FLNB: variants seen among roughly 807,000 people sequenced by gnomAD.
FLNB encodes the protein filamin-B.
In FLNB, 111 loss-of-function variants were observed where a neutral mutation model predicts 250.6. The ratio of observed to expected loss-of-function variants is 0.44; its 90% confidence interval spans 0.38 to 0.52. The LOEUF is 0.52. FLNB is among the 20% of genes least tolerant of loss of function. The pLI is 0.00. For synonymous variants in FLNB, 1,302 were observed against 1,372.1 expected (o/e 0.95, Z 1.13); for missense variants, 2,869 against 3,447.8 (o/e 0.83, Z 4.20).
chr3:58,153,376 A>T lies in FLNB; in HGVS notation c.6369A>T (p.Glu2123Asp). ...CCCCAACCTCCCTCCCTCTTTCAGA[A>T]ATCAACAGCAGTGATATGTCGGCCC... Reference protein sequence around the residue: ...SICDLNLKIPEINSSDMSAHV... With the variant: ...SICDLNLKIPDINSSDMSAHV... The change falls in exon 39 of 46, where the codon GAA becomes GAT. Residue 2123 changes from glutamate to aspartate, a missense_variant and splice_region_variant. Physicochemically the swap from Glu to Asp is conservative, Grantham distance 45. Coordinates refer to ENST00000295956, the MANE Select transcript of FLNB (RefSeq NM_001457.4). 6.2e-7 allele frequency: 1 copy of T among 1,614,206 alleles called. No individual in the cohort carries two copies. The highest frequency in any genetic ancestry group is 8.5e-7 in the Non-Finnish European group (1 of 1,180,038).
intron 4 of FLNB, among the ~76,000 whole-genome samples, chr3:58,089,627 A>G (rs2097222966): frequency 6.6e-6 from 1 of 152,162 alleles, no homozygotes; most frequent in Non-Finnish European, 1.5e-5. Context: ...CAACAAAGAA[A>G]TACAATGTCC....
In FLNB at chr3:58,110,279, T is replaced by C. The variant is rs1576735611; in HGVS notation, c.2484+109T>C. ...TGGTGTTTTGTTAGTATTATTATTT[T>C]TGAGATGGAGTCTCACTCTTTCACC... On this transcript the variant is annotated intron_variant, in intron 16 of 45. Transcript: ENST00000295956. 7 of 1,158,806 alleles carry C rather than the reference T, an allele frequency of 6.0e-6. No homozygotes were observed. The East Asian group carries it at 1.7e-4, about 29-fold the overall frequency. The allele number at this position is 1,158,806 out of a possible 1,614,324, so 71.8% of individuals were successfully genotyped here.
At chr3:58,116,727 G>A (rs2097278645) in intron 18 of FLNB, among the ~76,000 whole-genome samples, 1 of 152,174 alleles carries the variant, frequency 6.6e-6, no homozygotes, top group East Asian at 1.9e-4. Context: ...TGAGGACTTT[G>A]GTCTTCTCTT....
At position 58,148,782 on chromosome 3, in the gene FLNB, C is replaced by T; in HGVS notation, c.6021C>T (p.Val2007=). 1 of 1,614,132 alleles carries T rather than the reference C, an allele frequency of 6.2e-7. No homozygotes were observed. The highest frequency in any genetic ancestry group is 1.1e-5 in the South Asian group (1 of 91,066). ...TTGGTGACGCCCGCCGAGCCAAAGT[C>T]TATGGCCGCGGCCTGTCAGAAGGCC... is the stretch of plus-strand genomic sequence containing the variant. The part of the protein sequence containing the change: ...SEIGDARRAK[V]YGRGLSEGRT... Residue 2007 remains valine (V), a synonymous_variant, in exon 36 of 46, where the codon GTC becomes GTT. Coordinates refer to ENST00000295956, the MANE Select transcript of FLNB (RefSeq NM_001457.4).
At chr3:58,105,360 G>T (rs1056454520) in intron 11 of FLNB, 144 bp downstream of exon 11, 17 of 1,005,134 alleles carry the variant, frequency 1.7e-5, no homozygotes, top group African/African-American at 1.3e-4. Context: ...CCATCTCTGC[G>T]TGCTGCTGTA....
chr3:58,052,878 C>T (rs839228), intron 1 of FLNB, among the ~76,000 whole-genome samples: 59,502 of 152,004 alleles, frequency 0.39, 11,795 homozygotes, highest in Middle Eastern at 0.57. Context: ...TGGTCACCCT[C>T]GCATTTCTAC....
intron 38 of FLNB, among the ~76,000 whole-genome samples, chr3:58,152,085 A>G (rs998227510): frequency 1.3e-5 from 2 of 152,254 alleles, no homozygotes; most frequent in African/African-American, 4.8e-5. Context: ...ACTAGCAAGT[A>G]TCTGCAGTGT....
chr3:58,015,617 G>C (rs1280224683), intron 1 of FLNB, among the ~76,000 whole-genome samples: 2 of 152,220 alleles, frequency 1.3e-5, no homozygotes, highest in African/African-American at 2.4e-5. Flanking sequence ...GAGCCATGCA[G>C]AGGAGAGCTG....
intron 4 of FLNB, among the ~76,000 whole-genome samples, chr3:58,088,038 CTTTTTTTTTTT>C (rs56009116): frequency 1.2e-5 from 1 of 84,518 alleles, no homozygotes; most frequent in Non-Finnish European, 2.1e-5. Context: ...GGCGCCCAGC[CTTTTTTTTTTT>C]TTTTTTTTTT....
chr3:58,085,169 CT>C (rs553553232), intron 4 of FLNB, among the ~76,000 whole-genome samples: 115 of 152,350 alleles, frequency 7.5e-4, no homozygotes, highest in African/African-American at 2.5e-3. Context: ...TGAGACCCTG[CT>C]TTCAATTCTT....
intron 1 of FLNB, among the ~76,000 whole-genome samples, chr3:58,054,141 G>A (rs558929873): frequency 5.0e-4 from 76 of 152,302 alleles, no homozygotes; most frequent in African/African-American, 1.8e-3. Flanking sequence ...GGTGCTGAGT[G>A]CTTGGGAAGT....
In FLNB at chr3:58,094,965, G is replaced by C; in HGVS notation, c.906+11G>C. 1 of 1,592,146 alleles carries C rather than the reference G, an allele frequency of 6.3e-7. No homozygotes were observed. The highest frequency in any genetic ancestry group is 8.6e-7 in the Non-Finnish European group (1 of 1,159,960). On this transcript the variant is annotated intron_variant, in intron 5 of 45. Transcript: ENST00000295956. ...GGGAACAAAGAGGAGGTATGTTGGA[G>C]GATGCTGCCTCTCCTTTCCAGCACC...
At chr3:58,151,490 A>G (rs551181437) in intron 38 of FLNB, 1 of 151,766 alleles carries the variant, frequency 6.6e-6, no homozygotes, top group African/African-American at 2.4e-5. Context: ...CACCTCCCAG[A>G]GAGAGCTTGG....
chr3:58,058,180 C>A (rs540129328), intron 1 of FLNB, among the ~76,000 whole-genome samples: 2 of 152,246 alleles, frequency 1.3e-5, no homozygotes, highest in East Asian at 3.9e-4. Flanking sequence ...ATTAGGGATG[C>A]TACTTGGATG....
chr3:58,117,891 A>G (rs1024448683), intron 18 of FLNB, among the ~76,000 whole-genome samples: 3 of 151,754 alleles, frequency 2.0e-5, no homozygotes. Context: ...ACACTTGATC[A>G]GCAACAGCTT....
intron 7 of FLNB, 87 bp from the exon 8 acceptor site, chr3:58,098,624 C>G (rs1001356759): frequency 1.6e-5 from 21 of 1,292,444 alleles, no homozygotes; most frequent in Non-Finnish European, 2.2e-5. Flanking sequence ...TGAGCCACCA[C>G]ACTGGTCCTG....
At chr3:58,075,442 G>A (rs1453447328) in intron 1 of FLNB, among the ~76,000 whole-genome samples, 1 of 152,176 alleles carries the variant, frequency 6.6e-6, no homozygotes, top group Non-Finnish European at 1.5e-5. Context: ...AGGTCCAGGG[G>A]CTCAGGGCAA....
At chr3:58,050,137 C>A (rs2097160154) in intron 1 of FLNB, among the ~76,000 whole-genome samples, 2 of 149,692 alleles carry the variant, frequency 1.3e-5, no homozygotes, top group Non-Finnish European at 3.0e-5. Flanking sequence ...TCTAACAATT[C>A]TCCTGCCTCA....
At chr3:58,135,882 C>T in intron 27 of FLNB, 97 bp from the exon 28 acceptor site, 1 of 1,239,268 alleles carries the variant, frequency 8.1e-7, no homozygotes, top group South Asian at 1.3e-5. Flanking sequence ...CTGTCTGTTT[C>T]CACTAGAGGC....
Sources: allele counts gnomAD v4.1 joint callset (sites outside exome capture counted in the v4.1 genomes callset), GRCh38; gene constraint gnomAD v4.1.1; transcripts MANE v1.5; gene names NCBI Gene and HGNC (gene_info 2026-07-23, HGNC 2026-07-21).